Variants in PGGT1B observed in about 807,000 individuals in gnomAD.
PGGT1B encodes geranylgeranyl transferase type-1 subunit beta.
Under a neutral mutation model 46.1 loss-of-function variants are expected in PGGT1B, and 30 were observed. The observed-to-expected ratio is 0.65, with a 90% CI of 0.49 to 0.88. The LOEUF (loss-of-function observed/expected upper bound fraction) is 0.88, where lower values mean the gene tolerates loss of function less well. Ranked by LOEUF, PGGT1B falls within the 40% of genes least tolerant of loss-of-function variation. The pLI, the probability that PGGT1B is intolerant of heterozygous loss-of-function variation, is 0.00. For missense variants in PGGT1B, 376 were observed against 455.9 expected, an observed-to-expected ratio of 0.82 and a Z score of 1.60; for synonymous variants, 170 against 160.0, an observed-to-expected ratio of 1.06 and a Z score of -0.47.
intron 2 of PGGT1B, among the ~76,000 whole-genome samples, chr5:115,251,187 T>C (rs969937233): frequency 5.3e-5 from 8 of 152,132 alleles, no homozygotes; most frequent in African/African-American, 1.9e-4. Context: ...CAAATAGTTT[T>C]CCAAAGCAGC....
chr5:115,245,783 C>A (rs1747806456), intron 2 of PGGT1B, among the ~76,000 whole-genome samples: 1 of 152,086 alleles, frequency 6.6e-6, no homozygotes, highest in Admixed American at 6.5e-5. Flanking sequence ...ATCTTAAGCA[C>A]CACGGTCACA....
In PGGT1B at chr5:115,221,869, C is replaced by T. The variant is rs371617824; in HGVS notation, c.798G>A (p.Lys266=). The T allele has an allele frequency of 2.5e-5, 41 of 1,608,408 alleles. No individual in the cohort carries two copies. In the Middle Eastern group the frequency reaches 1.0e-3, roughly 40 times the overall value. The part of the protein sequence containing the change: ...QQNGYHGRPN[K]PVDTCYSFWV... The stretch of plus-strand genomic sequence containing the variant: ...AAAAAGAATAACAGGTGTCTACAGG[C>T]TTATTAGGTCTTCCATGATAACCAT... The change falls in exon 7 of 9, where the codon AAG becomes AAA. Residue 266 remains lysine, a synonymous_variant. Transcript: ENST00000419445.
chr5:115,231,103 T>C (rs578224557), intron 5 of PGGT1B, 82 bp from the exon 6 acceptor site: 1 of 681,664 alleles, frequency 1.5e-6, no homozygotes, highest in Non-Finnish European at 2.4e-6. Context: ...ATGAACTAAG[T>C]TTTTTAGGTC....
intron 6 of PGGT1B, among the ~76,000 whole-genome samples, chr5:115,222,794 A>T (rs1431874693): frequency 2.0e-5 from 3 of 152,232 alleles, no homozygotes; most frequent in Admixed American, 6.5e-5. Flanking sequence ...AGCCATAAAA[A>T]CGGATGAGTT....
intron 2 of PGGT1B, among the ~76,000 whole-genome samples, chr5:115,244,464 C>G (rs1367719635): frequency 1.2e-4 from 1 of 8,012 alleles, no homozygotes; most frequent in African/African-American, 9.6e-4. Flanking sequence ...GACTCTGTCT[C>G]ACAAAAAAAA....
At chr5:115,229,732 G>C (rs1228079174) in intron 6 of PGGT1B, among the ~76,000 whole-genome samples, 1 of 152,140 alleles carries the variant, frequency 6.6e-6, no homozygotes, top group Non-Finnish European at 1.5e-5. Flanking sequence ...AGAGCCGCCA[G>C]ATTTCCTCTT....
rs994187092 is a variant in PGGT1B, at chr5:115,210,748, G to C, written c.*1654C>G. On this transcript the variant is annotated 3_prime_UTR_variant, in exon 9 of 9. Coordinates refer to ENST00000419445, the MANE Select transcript of PGGT1B (RefSeq NM_005023.4). ...CTACTTTAACTTCCAATGTCTAAGA[G>C]ATGACTTAGTTTGAGATATGGATGT... 1.1e-4 allele frequency: 16 copies of C among 152,034 alleles called. No individual in the cohort carries two copies. Among genetic ancestry groups the C allele is most frequent in the Non-Finnish European group, 4.4e-5 (3 of 67,964 alleles). The allele number at this position is 152,034 out of a possible 1,614,324, so 9.4% of individuals were successfully genotyped here.
At chr5:115,237,154 A>G (rs265444) in intron 4 of PGGT1B, among the ~76,000 whole-genome samples, 21,725 of 152,080 alleles carry the variant, frequency 0.14, 2,332 homozygotes, top group African/African-American at 0.3. Context: ...AATTAATGTC[A>G]ATTTATTCTA....
At chr5:115,258,398 T>C (rs1408511571) in intron 1 of PGGT1B, among the ~76,000 whole-genome samples, 1 of 152,208 alleles carries the variant, frequency 6.6e-6, no homozygotes, top group African/African-American at 2.4e-5. Context: ...CTGGTTCTGG[T>C]CCTGTACCAT....
chr5:115,231,030 GA>G lies in PGGT1B; in HGVS notation c.613-10del. ...AGTCCATTGTCATAGGACTGAAAAAGAAAAACATTGTTCAGTTTAATAGGGA... is the reference window on the plus strand; with the variant it reads ...AGTCCATTGTCATAGGACTGAAAAAGAAAACATTGTTCAGTTTAATAGGGA... On this transcript the variant is annotated splice_polypyrimidine_tract_variant and intron_variant, in intron 5 of 8. Coordinates refer to ENST00000419445, the MANE Select transcript of PGGT1B (RefSeq NM_005023.4). 6.7e-7 allele frequency: 1 copy of G among 1,487,122 alleles called. No individual in the cohort carries two copies. The highest frequency in any genetic ancestry group is 1.2e-5 in the South Asian group (1 of 80,836). The allele number at this position is 1,487,122 out of a possible 1,614,324, so 92.1% of individuals were successfully genotyped here. A position where few individuals can be genotyped will look rare whatever the true frequency, so the allele number is the denominator to read the frequency against.
intron 2 of PGGT1B, among the ~76,000 whole-genome samples, chr5:115,248,106 C>T (rs937942471): frequency 6.6e-6 from 1 of 152,154 alleles, no homozygotes; most frequent in Non-Finnish European, 1.5e-5. Flanking sequence ...ACATTTTACC[C>T]TTTAATATTA....
At chr5:115,259,685 C>CAAAAAAAA (rs917531364) in intron 1 of PGGT1B, among the ~76,000 whole-genome samples, 4 of 29,466 alleles carry the variant, frequency 1.4e-4, no homozygotes, top group African/African-American at 3.6e-4. Flanking sequence ...GAGACTGTCT[C>CAAAAAAAA]AAAAAAAAAA....
chr5:115,260,854 T>C (rs1433383741), intron 1 of PGGT1B, among the ~76,000 whole-genome samples: 1 of 152,180 alleles, frequency 6.6e-6, no homozygotes, highest in Non-Finnish European at 1.5e-5. Flanking sequence ...GTGAACAGAA[T>C]TACACAGTTT....
At chr5:115,224,733 G>T (rs1354774065) in intron 6 of PGGT1B, among the ~76,000 whole-genome samples, 1 of 151,630 alleles carries the variant, frequency 6.6e-6, no homozygotes, top group Non-Finnish European at 1.5e-5. Context: ...AATTGGCCAG[G>T]CATGGTGGTG....
rs1158135928 is a variant in PGGT1B, at chr5:115,230,842, G to C, written c.658+134C>G. 9 of 630,914 alleles carry C rather than the reference G, an allele frequency of 1.4e-5. 1 individual carries two copies. In the East Asian group the frequency reaches 2.1e-4, roughly 15 times the overall value. The allele number at this position is 630,914 out of a possible 1,614,324, so 39.1% of individuals were successfully genotyped here. ...CAAAATGGTGTCAAAAGAGAATCAG[G>C]AAAGTGACAAAGAAGAAAATTATGC... On this transcript the variant is annotated intron_variant, in intron 6 of 8. Transcript: ENST00000419445.
rs1384508436 is a variant in PGGT1B, at chr5:115,207,860, C to A, written c.*4542G>T. ...GTTCCTGACTTCAGCTGGAAAGTCT[C>A]CTTTGCTTTGAAATTTAAGATGCTG... is the stretch of plus-strand genomic sequence containing the variant. On this transcript the variant is annotated 3_prime_UTR_variant, in exon 9 of 9. Transcript: ENST00000419445. The A allele has an allele frequency of 1.3e-5, 2 of 152,034 alleles. No individual in the cohort carries two copies. Among genetic ancestry groups the A allele is most frequent in the Admixed American group, 6.6e-5 (1 of 15,240 alleles). The allele number at this position is 152,034 out of a possible 1,614,324, so 9.4% of individuals were successfully genotyped here.
chr5:115,255,308 T>C (rs919656931), intron 1 of PGGT1B, among the ~76,000 whole-genome samples: 1 of 152,124 alleles, frequency 6.6e-6, no homozygotes. Flanking sequence ...CCTTTAGACA[T>C]GGGAAAAACC....
chr5:115,237,587 T>A (rs1757221563), intron 4 of PGGT1B, among the ~76,000 whole-genome samples: 1 of 152,166 alleles, frequency 6.6e-6, no homozygotes, highest in East Asian at 1.9e-4. Context: ...TAGATTCCAA[T>A]CCTGAAATTA....
In PGGT1B at chr5:115,212,187, C is replaced by T. The variant is rs111573863; in HGVS notation, c.*215G>A. 2 of 754,780 alleles carry T rather than the reference C, an allele frequency of 2.6e-6. No homozygotes were observed. Among genetic ancestry groups the T allele is most frequent in the African/African-American group, 3.6e-5 (2 of 55,370 alleles). The allele number at this position is 754,780 out of a possible 1,614,324, so 46.8% of individuals were successfully genotyped here. A position where few individuals can be genotyped will look rare whatever the true frequency, so the allele number is the denominator to read the frequency against. On this transcript the variant is annotated 3_prime_UTR_variant, in exon 9 of 9. Coordinates refer to ENST00000419445, the MANE Select transcript of PGGT1B (RefSeq NM_005023.4). ...GAAATACAGTATAAACATTTAAGAA[C>T]CACGACAAAGTTGTGGTTCAAACTT... is the stretch of plus-strand genomic sequence containing the variant.
Sources: gnomAD v4.1 joint callset for allele counts (sites outside exome capture counted in the v4.1 genomes callset) on GRCh38, gnomAD v4.1.1 for gene constraint, MANE v1.5 for transcripts, NCBI Gene and HGNC (gene_info 2026-07-23, HGNC 2026-07-21) for gene names.